Variants in UBXN4 observed in about 807,000 individuals in gnomAD.
UBXN4 encodes UBX domain-containing protein 4.
In UBXN4, 35 loss-of-function variants were observed where a neutral mutation model predicts 66.2. That is an observed-to-expected ratio of 0.53 (90% CI 0.40 to 0.70). The LOEUF (loss-of-function observed/expected upper bound fraction) is 0.70. UBXN4 is among the 30% of genes least tolerant of loss of function. UBXN4 has a pLI of 0.00. For synonymous variants in UBXN4, 203 were observed against 204.5 expected (o/e 0.99, Z 0.06); for missense variants, 533 against 599.8 (o/e 0.89, Z 1.16).
chr2:135,745,305 T>C (rs924847358), intron 1 of UBXN4, among the ~76,000 whole-genome samples: 1 of 152,218 alleles, frequency 6.6e-6, no homozygotes, highest in Non-Finnish European at 1.5e-5. Flanking sequence ...CGTGGTGAAC[T>C]CTTCTGGCTG....
intron 1 of UBXN4, 31 bp downstream of exon 1, chr2:135,742,042 G>A: frequency 1.9e-6 from 3 of 1,607,766 alleles, no homozygotes; most frequent in Non-Finnish European, 2.5e-6. Flanking sequence ...AGAGGCGGCC[G>A]GGACACCCCT....
intron 1 of UBXN4, among the ~76,000 whole-genome samples, chr2:135,746,743 G>A (rs1388860704): frequency 1.3e-5 from 2 of 152,254 alleles, no homozygotes; most frequent in East Asian, 3.9e-4. Flanking sequence ...AGAATAGCAA[G>A]AAAGGAAAAA....
At chr2:135,748,967 T>C (rs1225130080) in intron 2 of UBXN4, among the ~76,000 whole-genome samples, 1 of 151,336 alleles carries the variant, frequency 6.6e-6, no homozygotes, top group Non-Finnish European at 1.5e-5. Context: ...GCCCAGGAGG[T>C]TGAAGTTGAG....
In UBXN4 at chr2:135,776,287, C is replaced by A; in HGVS notation, c.989C>A (p.Ser330Tyr). Residue 330 changes from serine to tyrosine, a missense_variant, in exon 10 of 13, where the codon TCT becomes TAT. By Grantham distance (144) the Ser-to-Tyr change is moderately radical. Around this residue, in one of 2 missense-constraint regions of UBXN4, gnomAD observed 529 missense variants for 580.1 expected, o/e 0.91. Coordinates refer to ENST00000272638, the MANE Select transcript of UBXN4 (RefSeq NM_014607.4). ...ATTCAATTCCGTCTTCCTGATGGTT[C>A]TTCCTTTACAAATCAGTTCCCTTCT... ...ARIQFRLPDGSSFTNQFPSDA... is the reference protein window; with the variant it reads ...ARIQFRLPDGYSFTNQFPSDA... The A allele has an allele frequency of 6.2e-7, 1 of 1,613,942 alleles. No individual in the cohort carries two copies. The highest frequency in any genetic ancestry group is 8.5e-7 in the Non-Finnish European group (1 of 1,179,916).
chr2:135,756,252 G>A (rs996661555), intron 5 of UBXN4, among the ~76,000 whole-genome samples: 4 of 152,114 alleles, frequency 2.6e-5, no homozygotes, highest in Admixed American at 1.3e-4. Context: ...TTAGGCAACC[G>A]AGGGGTAAAT....
chr2:135,753,314 A>G (rs532573956), intron 2 of UBXN4, among the ~76,000 whole-genome samples: 2 of 152,204 alleles, frequency 1.3e-5, no homozygotes, highest in Non-Finnish European at 2.9e-5. Flanking sequence ...ATGAGCCACC[A>G]TGCCAAGCCA....
chr2:135,761,063 A>G (rs1328875103), intron 5 of UBXN4, among the ~76,000 whole-genome samples: 1 of 152,210 alleles, frequency 6.6e-6, no homozygotes, highest in Non-Finnish European at 1.5e-5. Flanking sequence ...TGAGGTTACT[A>G]TCCCCATTTT....
At chr2:135,753,126 C>T (rs578098492) in intron 2 of UBXN4, among the ~76,000 whole-genome samples, 2 of 149,032 alleles carry the variant, frequency 1.3e-5, no homozygotes, top group South Asian at 2.1e-4. Flanking sequence ...TGGGTTCAAG[C>T]GATTCTCCTG....
At chr2:135,768,707 G>A (rs1041471330) in intron 6 of UBXN4, among the ~76,000 whole-genome samples, 4 of 151,722 alleles carry the variant, frequency 2.6e-5, no homozygotes, top group African/African-American at 9.7e-5. Context: ...GGGTTTACAG[G>A]CGCTCACCAC....
At chr2:135,766,443 C>A (rs1474280350) in intron 6 of UBXN4, among the ~76,000 whole-genome samples, 2 of 152,094 alleles carry the variant, frequency 1.3e-5, no homozygotes, top group Admixed American at 6.5e-5. Context: ...CAATAATGGC[C>A]CTTTTAACTT....
intron 1 of UBXN4, among the ~76,000 whole-genome samples, chr2:135,744,638 C>T (rs889789005): frequency 3.9e-5 from 6 of 151,960 alleles, no homozygotes; most frequent in Non-Finnish European, 5.9e-5. Context: ...TATTTTACAT[C>T]GGAAAGACTG....
chr2:135,783,010 C>T lies in UBXN4; in HGVS notation c.*123C>T, dbSNP rs2077459610. The T allele has an allele frequency of 9.6e-7, 1 of 1,047,090 alleles. No homozygotes were observed. The highest frequency in any genetic ancestry group is 1.4e-6 in the Non-Finnish European group (1 of 730,740). 64.9% of individuals were successfully genotyped at this position (1,047,090 alleles called of 1,614,324 possible). On this transcript the variant is annotated 3_prime_UTR_variant, in exon 13 of 13. Transcript: ENST00000272638. Reference sequence around the variant, plus strand: ...CTGGTCTATAAAATGTCTCTTTATTCCTGCTTAGTGGGTGTGGGTTGAAGG... The same window carrying T: ...CTGGTCTATAAAATGTCTCTTTATTTCTGCTTAGTGGGTGTGGGTTGAAGG...
intron 5 of UBXN4, among the ~76,000 whole-genome samples, chr2:135,759,998 C>A (rs2077305626): frequency 6.6e-6 from 1 of 151,990 alleles, no homozygotes; most frequent in South Asian, 2.1e-4. Context: ...AAACTCCTGA[C>A]CTCAAATGAT....
intron 2 of UBXN4, 60 bp downstream of exon 2, chr2:135,748,429 A>G: frequency 1.6e-6 from 2 of 1,242,542 alleles, no homozygotes; most frequent in African/African-American, 1.5e-5. Context: ...TCTTTGATTT[A>G]TAGTGATACT....
At chr2:135,775,299 T>C (rs2077406865) in intron 9 of UBXN4, among the ~76,000 whole-genome samples, 1 of 152,234 alleles carries the variant, frequency 6.6e-6, no homozygotes, top group African/African-American at 2.4e-5. Context: ...AGCAGCAGTT[T>C]ATACAGCAGT....
intron 5 of UBXN4, among the ~76,000 whole-genome samples, chr2:135,760,724 T>C (rs2077310358): frequency 1.3e-5 from 2 of 152,234 alleles, no homozygotes; most frequent in African/African-American, 4.8e-5. Flanking sequence ...GAGCCTCTAC[T>C]GGCTGCTAGT....
chr2:135,744,580 T>A (rs2077195572), intron 1 of UBXN4, among the ~76,000 whole-genome samples: 1 of 152,164 alleles, frequency 6.6e-6, no homozygotes, highest in African/African-American at 2.4e-5. Context: ...CTGCCTTTTT[T>A]GGTGAATGTA....
intron 12 of UBXN4, among the ~76,000 whole-genome samples, chr2:135,781,807 TC>T (rs1224627855): frequency 6.6e-6 from 1 of 152,212 alleles, no homozygotes; most frequent in Non-Finnish European, 1.5e-5. Context: ...GTGTGGTACC[TC>T]ATACTTGTAA....
Position 135,775,438 on chromosome 2 carries a change from C to G in UBXN4, c.951-811C>G, listed in dbSNP as rs960628991. 3.9e-5 allele frequency among the ~76,000 whole-genome samples: 6 copies of G among 152,296 alleles called. No homozygotes were observed. In the South Asian group the frequency reaches 1.2e-3, roughly 32 times the overall value. ...ACTGAAGAATGTGTAAACTGTATCT[C>G]ATACAACAATGTTTTTCAGCAATAG... On this transcript the variant is annotated intron_variant, in intron 9 of 12. Transcript: ENST00000272638.
Sources: allele counts gnomAD v4.1 joint callset (sites outside exome capture counted in the v4.1 genomes callset), GRCh38; gene constraint gnomAD v4.1.1; regional missense constraint gnomAD v4.1.1; transcripts MANE v1.5; gene names NCBI Gene and HGNC (gene_info 2026-07-23, HGNC 2026-07-21).